Variants in PRDM1 observed in about 807,000 individuals in gnomAD.
PRDM1 encodes PR domain zinc finger protein 1.
In PRDM1, 13 loss-of-function variants were observed where a neutral mutation model predicts 62.8. The observed-to-expected ratio is 0.21, with a 90% CI of 0.13 to 0.33. PRDM1 has a LOEUF of 0.33. Ranked by LOEUF, PRDM1 falls within the 10% of genes least tolerant of loss-of-function variation. The probability of loss-of-function intolerance (pLI) is 1.00; values close to 1 mark genes in which losing one functional copy is unlikely to be tolerated. For missense variants in PRDM1, 895 were observed against 1,058.8 expected, an observed-to-expected ratio of 0.85 and a Z score of 2.15; for synonymous variants, 396 against 417.6, an observed-to-expected ratio of 0.95 and a Z score of 0.63.
chr6:106,039,198 T>C (rs940634534), intron 1 of PRDM1, among the ~76,000 whole-genome samples: 2 of 152,208 alleles, frequency 1.3e-5, no homozygotes, highest in African/African-American at 2.4e-5. Flanking sequence ...CTTTGATTGC[T>C]TATGGTCATC....
At chr6:106,056,230 T>G (rs1773264343) in intron 1 of PRDM1, among the ~76,000 whole-genome samples, 1 of 152,166 alleles carries the variant, frequency 6.6e-6, no homozygotes. Flanking sequence ...CCCACTCTGT[T>G]GTCCTGCAAG....
At chr6:106,055,988 G>A (rs547426545) in intron 1 of PRDM1, among the ~76,000 whole-genome samples, 1 of 152,056 alleles carries the variant, frequency 6.6e-6, no homozygotes. Flanking sequence ...TGGGAGAAAG[G>A]CTCATTCTTA....
chr6:106,061,623 C>T (rs1380096013), intron 1 of PRDM1, among the ~76,000 whole-genome samples: 2 of 152,148 alleles, frequency 1.3e-5, no homozygotes, highest in African/African-American at 4.8e-5. Context: ...GCTCTTATAC[C>T]CCAGCAACAA....
At chr6:106,098,120 A>G in intron 3 of PRDM1, 1 of 815,732 alleles carries the variant, frequency 1.2e-6, no homozygotes, top group Non-Finnish European at 1.5e-6. Context: ...GTGAGTAAGG[A>G]AAAGCAATAA....
chr6:106,005,778 C>T (rs1049930912), intron 1 of PRDM1, among the ~76,000 whole-genome samples: 11 of 152,170 alleles, frequency 7.2e-5, no homozygotes, highest in African/African-American at 2.4e-4. Context: ...ACATAAGACT[C>T]TCCCCACTAA....
chr6:106,022,007 A>G (rs1772702145), intron 1 of PRDM1, among the ~76,000 whole-genome samples: 1 of 152,200 alleles, frequency 6.6e-6, no homozygotes, highest in Non-Finnish European at 1.5e-5. Flanking sequence ...TTTATGCTTC[A>G]TGTTTTCTAA....
intron 4 of PRDM1, among the ~76,000 whole-genome samples, chr6:106,101,634 G>A (rs1356128443): frequency 6.6e-6 from 1 of 152,166 alleles, no homozygotes; most frequent in Non-Finnish European, 1.5e-5. Context: ...TTGTGAAACC[G>A]GTTGTCTTAG....
At chr6:106,088,903 G>A (rs1233811998) in intron 2 of PRDM1, among the ~76,000 whole-genome samples, 5 of 152,148 alleles carry the variant, frequency 3.3e-5, no homozygotes, top group African/African-American at 1.2e-4. Context: ...TTATTAGCTG[G>A]GTTTCTAAAA....
chr6:106,052,044 G>A (rs1452445509), intron 1 of PRDM1, among the ~76,000 whole-genome samples: 2 of 152,138 alleles, frequency 1.3e-5, no homozygotes, highest in Admixed American at 1.3e-4. Flanking sequence ...GAATGAATAG[G>A]GAGTTATTGT....
At position 106,105,658 on chromosome 6, in the gene PRDM1, G is replaced by C. The variant is rs1774457053; in HGVS notation, c.1498G>C (p.Gly500Arg). 6.2e-7 allele frequency: 1 copy of C among 1,612,216 alleles called. No homozygotes were observed. Among genetic ancestry groups the C allele is most frequent in the South Asian group, 1.1e-5 (1 of 91,024 alleles). Residue 500 changes from glycine (G) to arginine (R), a missense_variant, in exon 5 of 7, where the codon GGG becomes CGG. Transcript: ENST00000369096. The stretch of plus-strand genomic sequence containing the variant: ...GCCCCACAGTGCCTTCTCCTTTACC[G>C]GGGCCGCCGCCAGCATGAAGGACAA... The part of the protein sequence containing the change: ...PAPHSAFSFT[G>R]AAASMKDKAC...
chr6:106,074,000 G>T (rs572118693), intron 1 of PRDM1, among the ~76,000 whole-genome samples: 6 of 152,270 alleles, frequency 3.9e-5, no homozygotes, highest in South Asian at 2.1e-4. Context: ...TGCAAAATTT[G>T]GGGGGAGGGA....
chr6:106,042,652 G>A (rs933300655), intron 1 of PRDM1, among the ~76,000 whole-genome samples: 1 of 152,094 alleles, frequency 6.6e-6, no homozygotes, highest in Non-Finnish European at 1.5e-5. Flanking sequence ...ATAAAACCTG[G>A]TCTTCTGGAG....
At chr6:106,000,926 G>T in intron 1 of PRDM1, among the ~76,000 whole-genome samples, 1 of 152,186 alleles carries the variant, frequency 6.6e-6, no homozygotes, top group East Asian at 1.9e-4. Flanking sequence ...CACAGGATAT[G>T]AATATTATCA....
chr6:106,059,215 G>T (rs1270370474), intron 1 of PRDM1, among the ~76,000 whole-genome samples: 1 of 152,130 alleles, frequency 6.6e-6, no homozygotes, highest in Non-Finnish European at 1.5e-5. Flanking sequence ...AAAAAAGAGT[G>T]ATTATGATAG....
At position 106,030,984 on chromosome 6, in the gene PRDM1, T is replaced by C. The variant is rs6939779; in HGVS notation, c.-67+37345T>C. Among the ~76,000 whole-genome samples the C allele has an allele frequency of 8.4e-3, 1,198 of 142,168 alleles. 18 individuals are homozygous for C. Among genetic ancestry groups the C allele is most frequent in the African/African-American group, 0.03 (1,156 of 38,204 alleles). 93.3% of individuals were successfully genotyped at this position (142,168 alleles called of 152,430 possible). ...GTTGGTAGGTTGGAGTCTCCTGTCA[T>C]TTGTATTCTCTCTTTTTTTTTTTTT... On this transcript the variant is annotated intron_variant, in intron 1 of 6. Coordinates refer to the PRDM1 transcript ENST00000652320.
chr6:106,034,851 T>G (rs950806362), intron 1 of PRDM1, among the ~76,000 whole-genome samples: 1 of 151,878 alleles, frequency 6.6e-6, no homozygotes, highest in African/African-American at 2.4e-5. Context: ...AGGCTGGTCT[T>G]GAACTCCTGA....
intron 2 of PRDM1, among the ~76,000 whole-genome samples, 181 bp downstream of exon 2, chr6:106,088,630 C>G (rs976600095): frequency 2.6e-5 from 4 of 152,172 alleles, no homozygotes; most frequent in African/African-American, 9.7e-5. Context: ...CTTCTCATTT[C>G]TTCCAGCCTT....
At chr6:106,070,000 A>AT (rs377505467) in intron 1 of PRDM1, among the ~76,000 whole-genome samples, 1,777 of 151,440 alleles carry the variant, frequency 0.012, 35 homozygotes, top group African/African-American at 0.04. Context: ...TTCTCCCTCA[A>AT]TTTTTTTTTG....
rs570287174 is a variant in PRDM1 at position 106,018,508 on chromosome 6, G to A, written c.-67+24869G>A. ...TTCTATTCCAGGATTACATTGAGGAGATCACATTATGTTTAATGGTCATGT... is the reference window on the plus strand; with the variant it reads ...TTCTATTCCAGGATTACATTGAGGAAATCACATTATGTTTAATGGTCATGT... On this transcript the variant is annotated intron_variant, in intron 1 of 6. Coordinates refer to the PRDM1 transcript ENST00000652320. Among the ~76,000 whole-genome samples the A allele has an allele frequency of 7.9e-5, 12 of 152,268 alleles. No individual in the cohort carries two copies. In the East Asian group the frequency reaches 2.3e-3, roughly 29 times the overall value.
Sources: allele counts gnomAD v4.1 joint callset (sites outside exome capture counted in the v4.1 genomes callset), GRCh38; gene constraint gnomAD v4.1.1; transcripts MANE v1.5; gene names NCBI Gene and HGNC (gene_info 2026-07-23, HGNC 2026-07-21).